Variants in MAPK8IP2 observed in about 807,000 individuals in gnomAD.
The protein encoded by MAPK8IP2 is C-Jun-amino-terminal kinase-interacting protein 2.
Under a neutral mutation model 75.6 loss-of-function variants are expected in MAPK8IP2, and 15 were observed. The ratio of observed to expected loss-of-function variants is 0.20; its 90% CI spans 0.13 to 0.31. The LOEUF is 0.31. Ranked by LOEUF, MAPK8IP2 falls within the 10% of genes least tolerant of loss-of-function variation. MAPK8IP2 has a pLI of 1.00. For synonymous variants in MAPK8IP2, 632 were observed against 554.5 expected (o/e 1.14, Z -1.96); for missense variants, 1,089 against 1,211.2 (o/e 0.90, Z 1.50).
At chr22:50,601,047 C>T (rs1317328197) in intron 1 of MAPK8IP2, 164 bp downstream of exon 1, 2 of 164,848 alleles carry the variant, frequency 1.2e-5, no homozygotes, top group East Asian at 3.6e-4. Flanking sequence ...GCGCCCCACC[C>T]CCACCCCGCT....
intron 2 of MAPK8IP2, among the ~76,000 whole-genome samples, chr22:50,602,882 T>C (rs558052553): frequency 6.6e-6 from 1 of 152,336 alleles, no homozygotes; most frequent in Admixed American, 6.5e-5. Flanking sequence ...AAAAACCATG[T>C]CCAGTAACTG....
At position 50,612,437 on chromosome 22, in the gene MAPK8IP2, G is replaced by A. The variant is rs1019904351; in HGVS notation, c.*1658G>A. 2.2e-4 allele frequency: 33 copies of A among 152,126 alleles called. No homozygotes were observed. The highest frequency in any genetic ancestry group is 7.5e-4 in the African/African-American group (31 of 41,412). 9.4% of individuals were successfully genotyped at this position (152,126 alleles called of 1,614,324 possible). A position where few individuals can be genotyped will look rare whatever the true frequency, so the allele number is the denominator to read the frequency against. ...AAGGTTCCTTAGTGAGCTAAGGGAA[G>A]TATACACAAACTTACTACATAAACA... On this transcript the variant is annotated 3_prime_UTR_variant, in exon 12 of 12. Coordinates refer to ENST00000329492, the MANE Select transcript of MAPK8IP2 (RefSeq NM_012324.6).
In MAPK8IP2 at chr22:50,604,560, G is replaced by C; in HGVS notation, c.1261G>C (p.Ala421Pro). The C allele has an allele frequency of 8.6e-7, 1 of 1,165,392 alleles. No individual in the cohort carries two copies. Among genetic ancestry groups the C allele is most frequent in the East Asian group, 4.2e-5 (1 of 23,846 alleles). The allele number at this position is 1,165,392 out of a possible 1,614,324, so 72.2% of individuals were successfully genotyped here. A position where few individuals can be genotyped will look rare whatever the true frequency, so the allele number is the denominator to read the frequency against. Residue 421 changes from alanine to proline, a missense_variant, in exon 5 of 12, where the codon GCG becomes CCG. Transcript: ENST00000329492. The part of the protein sequence containing the change: ...METLCAPPPP[A>P]PAAPRPGPAQ... The stretch of plus-strand genomic sequence containing the variant: ...GACGCTGTGCGCGCCGCCGCCGCCC[G>C]CGCCCGCCGCGCCTCGACCCGGCCC...
At position 50,604,943 on chromosome 22, in the gene MAPK8IP2, G is replaced by A. The variant is rs781551834; in HGVS notation, c.1644G>A (p.Glu548=). ...EDSGGEASEE[E]AGAALLGGGQ... is the part of the protein sequence containing the mutation. ...GCGGCGGGGAGGCCAGCGAGGAGGAGGCGGGCGCGGCGCTGCTAGGCGGCG... is the reference window on the plus strand; with the variant it reads ...GCGGCGGGGAGGCCAGCGAGGAGGAAGCGGGCGCGGCGCTGCTAGGCGGCG... Residue 548 remains glutamate (E), a synonymous_variant, in exon 5 of 12, where the codon GAG becomes GAA. Coordinates refer to ENST00000329492, the MANE Select transcript of MAPK8IP2 (RefSeq NM_012324.6). 1.2e-6 allele frequency: 2 copies of A among 1,610,958 alleles called. No homozygotes were observed. Among genetic ancestry groups the A allele is most frequent in the Non-Finnish European group, 8.5e-7 (1 of 1,179,218 alleles).
chr22:50,603,147 C>T (rs745402961), intron 2 of MAPK8IP2, 76 bp from the exon 3 acceptor site: 1 of 1,606,948 alleles, frequency 6.2e-7, no homozygotes. Flanking sequence ...TCCCCGATTT[C>T]CCTTCTCCTA....
At chr22:50,606,835 G>T in intron 9 of MAPK8IP2, 70 bp downstream of exon 9, 2 of 1,594,770 alleles carry the variant, frequency 1.3e-6, no homozygotes, top group South Asian at 2.2e-5. Flanking sequence ...GACGGGGCCA[G>T]GCTGGCAGGG....
Position 50,602,784 on chromosome 22 carries a change from C to T in MAPK8IP2, c.172-439C>T, listed in dbSNP as rs1053777122. ...ATCTGTTTGATGTTTACTGAACATC[C>T]GCTGAGCCCCAGGTCTTGTTCTTGG... On this transcript the variant is annotated intron_variant, in intron 2 of 11. Coordinates refer to ENST00000329492, the MANE Select transcript of MAPK8IP2 (RefSeq NM_012324.6). Among the ~76,000 whole-genome samples the T allele has an allele frequency of 7.9e-5, 12 of 152,186 alleles. 1 individual carries two copies. Among genetic ancestry groups the T allele is most frequent in the Admixed American group, 5.2e-4 (8 of 15,278 alleles).
Position 50,610,803 on chromosome 22 carries a change from G to A in MAPK8IP2, c.*24G>A, listed in dbSNP as rs764444733. The stretch of plus-strand genomic sequence containing the variant: ...AGCCTGCCCACCGCTCTGTCTCCTG[G>A]CCGTCTGCTCCAGGCGCAGCTGGGG... On this transcript the variant is annotated 3_prime_UTR_variant, in exon 12 of 12. Transcript: ENST00000329492. The surrounding 1 kb of genome is among the most constrained non-coding windows in gnomAD (Gnocchi z 4.3). The A allele has an allele frequency of 1.0e-5, 16 of 1,581,890 alleles. No homozygotes were observed. The African/African-American group carries it at 1.8e-4, about 17-fold the overall frequency.
chr22:50,601,603 G>T (rs191990228), intron 1 of MAPK8IP2, 186 bp from the exon 2 acceptor site: 2 of 575,626 alleles, frequency 3.5e-6, no homozygotes, highest in Non-Finnish European at 3.1e-6. Flanking sequence ...TGGCTCAGAT[G>T]GGGGAGGGGA....
intron 2 of MAPK8IP2, 81 bp from the exon 3 acceptor site, chr22:50,603,142 G>A (rs150707904): frequency 5.5e-5 from 89 of 1,605,726 alleles, no homozygotes; most frequent in South Asian, 1.7e-4. Context: ...GATGCTCCCC[G>A]ATTTCCCTTC....
intron 5 of MAPK8IP2, 27 bp downstream of exon 5, chr22:50,605,091 G>A (rs764714310): frequency 1.0e-4 from 168 of 1,611,062 alleles, no homozygotes; most frequent in Non-Finnish European, 1.3e-4. Flanking sequence ...GAAAAGGGGG[G>A]TGGCCCAGAG....
Position 50,607,870 on chromosome 22 carries a change from A to G in MAPK8IP2, c.2303+879A>G, listed in dbSNP as rs2071077059. ...CCAGGCAGGGTGAGGGGAGGAGGGG[A>G]GGAGGAGGTGCTGGCATAGGAGCAG... On this transcript the variant is annotated intron_variant, in intron 10 of 11. Coordinates refer to ENST00000329492, the MANE Select transcript of MAPK8IP2 (RefSeq NM_012324.6). The surrounding 1 kb of genome is among the most constrained non-coding windows in gnomAD (Gnocchi z 5.6). Among the ~76,000 whole-genome samples, 1 of 151,754 alleles carries G rather than the reference A, an allele frequency of 6.6e-6. No individual in the cohort carries two copies. Among genetic ancestry groups the G allele is most frequent in the Non-Finnish European group, 1.5e-5 (1 of 67,914 alleles).
chr22:50,606,973 G>A lies in MAPK8IP2; in HGVS notation c.2285G>A (p.Cys762Tyr). The A allele has an allele frequency of 6.2e-7, 1 of 1,613,730 alleles. No individual in the cohort carries two copies. Residue 762 changes from cysteine (C) to tyrosine (Y), a missense_variant, in exon 10 of 12, where the codon TGC (cysteine) becomes TAC (tyrosine). Coordinates refer to ENST00000329492, the MANE Select transcript of MAPK8IP2 (RefSeq NM_012324.6). ...FQMKNISFCG[C>Y]HPRNSCYFGF... is the part of the protein sequence containing the mutation. ...ATGAAGAACATCTCCTTCTGCGGCTGCCATCCCCGCAACAGCTGGTGAGAG... is the reference window on the plus strand; with the variant it reads ...ATGAAGAACATCTCCTTCTGCGGCTACCATCCCCGCAACAGCTGGTGAGAG...
At position 50,605,502 on chromosome 22, in the gene MAPK8IP2, G is replaced by A. The variant is rs571090337; in HGVS notation, c.1841+59G>A. ...GCCTCAGTCCCTGCCATCACGGAAC[G>A]CCAGTGGACACGACCGTCAATCCCG... On this transcript the variant is annotated intron_variant, in intron 6 of 11. Transcript: ENST00000329492. The A allele has an allele frequency of 6.2e-5, 99 of 1,607,802 alleles. No individual in the cohort carries two copies. In the South Asian group the frequency reaches 7.2e-4, roughly 12 times the overall value.
Position 50,607,096 on chromosome 22 carries a change from C to G in MAPK8IP2, c.2303+105C>G. On this transcript the variant is annotated intron_variant, in intron 10 of 11. Transcript: ENST00000329492. The surrounding 1 kb of genome is among the most constrained non-coding windows in gnomAD (Gnocchi z 5.6). ...ACCCTGAGGGCTGCCCGTGCCCAGC[C>G]CTGAGAGCTCCACCTGCACCCACTT... The G allele has an allele frequency of 1.2e-6, 1 of 855,676 alleles. No individual in the cohort carries two copies. Among genetic ancestry groups the G allele is most frequent in the Non-Finnish European group, 2.0e-6 (1 of 512,608 alleles). The allele number at this position is 855,676 out of a possible 1,614,324, so 53.0% of individuals were successfully genotyped here.
intron 9 of MAPK8IP2, 73 bp from the exon 10 acceptor site, chr22:50,606,848 G>A (rs921433631): frequency 2.1e-5 from 33 of 1,592,484 alleles, no homozygotes; most frequent in Middle Eastern, 1.7e-4. Context: ...TGGCAGGGGT[G>A]TCCAGTAGGT....
chr22:50,605,286 C>G (rs911164135), intron 5 of MAPK8IP2, 82 bp from the exon 6 acceptor site: 4 of 1,398,274 alleles, frequency 2.9e-6, no homozygotes, highest in Non-Finnish European at 4.0e-6. Context: ...GGGACTTGGC[C>G]TCTGCCCAAG....
rs373762958 is a variant in MAPK8IP2 at position 50,606,791 on chromosome 22, G to A, written c.2232+26G>A. The A allele has an allele frequency of 3.4e-5, 53 of 1,572,696 alleles. No individual in the cohort carries two copies. In the African/African-American group the frequency reaches 5.9e-4, roughly 18 times the overall value. Reference sequence around the variant, plus strand: ...GTGGGAGTGTGGGGGACTGGGGACCGGGGACTGGGGGATAGGGTTAGGCCA... The same window carrying A: ...GTGGGAGTGTGGGGGACTGGGGACCAGGGACTGGGGGATAGGGTTAGGCCA... On this transcript the variant is annotated intron_variant, in intron 9 of 11. Transcript: ENST00000329492.
At chr22:50,608,354 G>A (rs1384003215) in intron 10 of MAPK8IP2, among the ~76,000 whole-genome samples, 1 of 148,446 alleles carries the variant, frequency 6.7e-6, no homozygotes, top group Non-Finnish European at 1.5e-5. Context: ...CAGACAGCGG[G>A]GCCAGCTCTG....
Sources: allele counts gnomAD v4.1 joint callset (sites outside exome capture counted in the v4.1 genomes callset), GRCh38; gene constraint gnomAD v4.1.1; non-coding constraint Gnocchi (gnomAD v3.1); transcripts MANE v1.5; gene names NCBI Gene and HGNC (gene_info 2026-07-23, HGNC 2026-07-21).